The following ATL2 variants were observed in gnomAD, a reference collection of about 807,000 sequenced individuals.
ATL2 encodes the protein atlastin-2.
In ATL2, 31 loss-of-function variants were observed where a neutral mutation model predicts 73.9. The observed-to-expected ratio is 0.42, with a 90% confidence interval of 0.32 to 0.57. The LOEUF is 0.57. Ranked by LOEUF, ATL2 falls within the 20% of genes least tolerant of loss-of-function variation. The probability of loss-of-function intolerance (pLI) is 0.14; values close to 1 mark genes in which losing one functional copy is unlikely to be tolerated. For synonymous variants in ATL2, 291 were observed against 237.5 expected, an observed-to-expected ratio of 1.23 and a Z score of -2.07; for missense variants, 738 against 702.6, an observed-to-expected ratio of 1.05 and a Z score of -0.57.
Position 38,309,360 on chromosome 2 carries a change from TG to T in ATL2, c.1071+18del. ...ACTACATTTCTATCTTAGACAAAACTGTTTAAGAGCTCACCTACCTTAAAAT... is the reference window on the plus strand; with the variant it reads ...ACTACATTTCTATCTTAGACAAAACTTTTAAGAGCTCACCTACCTTAAAAT... On this transcript the variant is annotated intron_variant, in intron 9 of 12. Coordinates refer to ENST00000378954, the MANE Select transcript of ATL2 (RefSeq NM_001135673.4). The T allele has an allele frequency of 1.3e-6, 2 of 1,586,908 alleles. No individual in the cohort carries two copies. The highest frequency in any genetic ancestry group is 1.7e-6 in the Non-Finnish European group (2 of 1,173,490).
chr2:38,340,168 TGGTGGGGGG>T lies in ATL2; in HGVS notation c.363+3091_363+3099del, dbSNP rs1669623343. 5.8e-4 allele frequency among the ~76,000 whole-genome samples: 2 copies of T among 3,426 alleles called. 1 individual carries two copies. Among genetic ancestry groups the T allele is most frequent in the African/African-American group, 1.3e-3 (2 of 1,568 alleles). The allele number at this position is 3,426 out of a possible 152,430, so 2.2% of individuals were successfully genotyped here. A position where few individuals can be genotyped will look rare whatever the true frequency, so the allele number is the denominator to read the frequency against. ...AAAAGTTCAGAACAGCAGTTAGTTT[TGGTGGGGGG>T]GGGGGGGGGGTAGACATTAACTGAG... On this transcript the variant is annotated intron_variant, in intron 2 of 12. Transcript: ENST00000378954.
rs1171363177 is a variant in ATL2, at chr2:38,294,234, C to A, written c.*1760G>T. The stretch of plus-strand genomic sequence containing the variant: ...GAGTTTTCACACATGCAACTCAACA[C>A]CTGCATTCTCTTCGCTTAAAAAGCA... On this transcript the variant is annotated 3_prime_UTR_variant, in exon 13 of 13. Transcript: ENST00000378954. Among the ~76,000 whole-genome samples the A allele has an allele frequency of 6.6e-6, 1 of 152,188 alleles. No homozygotes were observed. The highest frequency in any genetic ancestry group is 2.4e-5 in the African/African-American group (1 of 41,444).
chr2:38,305,329 C>G (rs1216552507), intron 9 of ATL2, among the ~76,000 whole-genome samples: 3 of 152,170 alleles, frequency 2.0e-5, no homozygotes, highest in Non-Finnish European at 4.4e-5. Flanking sequence ...AGGTGGACCA[C>G]TTGACGTCAG....
rs1268963 is a variant in ATL2, at chr2:38,337,464, C to T, written c.363+5804G>A. 3.1e-4 allele frequency among the ~76,000 whole-genome samples: 29 copies of T among 92,144 alleles called. 1 individual carries two copies. The highest frequency in any genetic ancestry group is 1.5e-3 in the Admixed American group (9 of 5,912). 60.5% of individuals were successfully genotyped at this position (92,144 alleles called of 152,430 possible). On this transcript the variant is annotated intron_variant, in intron 2 of 12. Transcript: ENST00000378954. Reference sequence around the variant, plus strand: ...TCACATCACTGCACTCCAACCTTGGCGACAGAACAAGACTCTGTCTCCAAA... The same window carrying T: ...TCACATCACTGCACTCCAACCTTGGTGACAGAACAAGACTCTGTCTCCAAA...
intron 2 of ATL2, among the ~76,000 whole-genome samples, chr2:38,335,245 G>T (rs553952499): frequency 3.9e-5 from 6 of 151,912 alleles, no homozygotes; most frequent in South Asian, 4.2e-4. Flanking sequence ...CTACTCCTGG[G>T]TATAAACCCA....
intron 2 of ATL2, among the ~76,000 whole-genome samples, chr2:38,323,398 G>C (rs1192083790): frequency 1.1e-5 from 1 of 94,714 alleles, no homozygotes; most frequent in Non-Finnish European, 1.9e-5. Flanking sequence ...CACTTGCTAT[G>C]TTGCCCAGGC....
At chr2:38,369,481 T>C (rs899760484) in intron 1 of ATL2, among the ~76,000 whole-genome samples, 1 of 151,004 alleles carries the variant, frequency 6.6e-6, no homozygotes, top group Admixed American at 6.6e-5. Context: ...AGAGACGGGG[T>C]TTCACTATGT....
At position 38,300,141 on chromosome 2, in the gene ATL2, G is replaced by C. The variant is rs1458855179; in HGVS notation, c.1128+131C>G. ...AAACCTTAGGACCCACGACACATAC[G>C]GCCTTAAGCAAAATGTGTTTGCATG... On this transcript the variant is annotated intron_variant, in intron 10 of 12. Coordinates refer to ENST00000378954, the MANE Select transcript of ATL2 (RefSeq NM_001135673.4). The C allele has an allele frequency of 3.0e-5, 21 of 708,884 alleles. No homozygotes were observed. Among genetic ancestry groups the C allele is most frequent in the Admixed American group, 5.0e-5 (2 of 40,338 alleles). 43.9% of individuals were successfully genotyped at this position (708,884 alleles called of 1,614,324 possible). A position where few individuals can be genotyped will look rare whatever the true frequency, so the allele number is the denominator to read the frequency against.
intron 2 of ATL2, among the ~76,000 whole-genome samples, chr2:38,340,185 G>C (rs867242986): frequency 1.3e-5 from 1 of 75,032 alleles, no homozygotes; most frequent in Non-Finnish European, 2.7e-5. Flanking sequence ...GGGGGGGGGG[G>C]GGTAGACATT....
intron 9 of ATL2, 131 bp downstream of exon 9, chr2:38,309,248 G>A: frequency 1.1e-6 from 1 of 878,374 alleles, no homozygotes; most frequent in East Asian, 2.8e-5. Flanking sequence ...CTAATTCAAG[G>A]CAGAAAGATA....
chr2:38,315,422 T>G (rs773872557), intron 4 of ATL2, 88 bp from the exon 5 acceptor site: 6 of 1,346,332 alleles, frequency 4.5e-6, no homozygotes, highest in Non-Finnish European at 6.0e-6. Flanking sequence ...GAAAAAAGGT[T>G]ATTTTGTATC....
rs964555955 is a variant in ATL2, at chr2:38,354,687, C to G, written c.119-11175G>C. 2.0e-5 allele frequency among the ~76,000 whole-genome samples: 3 copies of G among 151,996 alleles called. No individual in the cohort carries two copies. The East Asian group carries it at 5.8e-4, about 29-fold the overall frequency. On this transcript the variant is annotated intron_variant, in intron 1 of 12. Coordinates refer to ENST00000378954, the MANE Select transcript of ATL2 (RefSeq NM_001135673.4). The stretch of plus-strand genomic sequence containing the variant: ...GGAGAATCACCTGAGGTTGAGAGTT[C>G]GAGACCAGCCTGACCAACATGGAGA...
intron 2 of ATL2, among the ~76,000 whole-genome samples, chr2:38,342,713 G>C (rs1669794382): frequency 6.6e-6 from 1 of 152,152 alleles, no homozygotes; most frequent in Non-Finnish European, 1.5e-5. Flanking sequence ...AACAAAAAGG[G>C]AAAGAAGATA....
intron 1 of ATL2, among the ~76,000 whole-genome samples, chr2:38,354,642 C>T (rs1190354912): frequency 6.6e-6 from 1 of 152,006 alleles, no homozygotes; most frequent in Non-Finnish European, 1.5e-5. Flanking sequence ...GTAATCCCAG[C>T]ACTTTGGAAG....
chr2:38,358,944 A>T (rs142089207), intron 1 of ATL2, among the ~76,000 whole-genome samples: 215 of 152,328 alleles, frequency 1.4e-3, no homozygotes, highest in African/African-American at 4.6e-3. Flanking sequence ...AGTCAAACAG[A>T]TACTACAAGA....
chr2:38,339,162 G>C (rs142741300), intron 2 of ATL2, among the ~76,000 whole-genome samples: 1 of 152,266 alleles, frequency 6.6e-6, no homozygotes, highest in East Asian at 1.9e-4. Flanking sequence ...GTTGCAGTGA[G>C]CCGAGACTGC....
intron 2 of ATL2, among the ~76,000 whole-genome samples, chr2:38,319,254 A>G (rs1014479181): frequency 2.6e-5 from 4 of 151,690 alleles, no homozygotes; most frequent in African/African-American, 7.3e-5. Flanking sequence ...TCACACTACT[A>G]CTCTCTAGGC....
At chr2:38,318,814 GTTTTGAT>G (rs1668167892) in intron 3 of ATL2, 64 bp downstream of exon 3, 3 of 1,521,424 alleles carry the variant, frequency 2.0e-6, no homozygotes. Context: ...GTTCTGTGTT[GTTTTGAT>G]TTTTAATACT....
chr2:38,346,584 A>C (rs1375786042), intron 1 of ATL2, among the ~76,000 whole-genome samples: 1 of 152,214 alleles, frequency 6.6e-6, no homozygotes, highest in African/African-American at 2.4e-5. Flanking sequence ...AAACTGTTCC[A>C]TCTCAGATCA....
Sources: gnomAD v4.1 joint callset for allele counts (sites outside exome capture counted in the v4.1 genomes callset) on GRCh38, gnomAD v4.1.1 for gene constraint, MANE v1.5 for transcripts, NCBI Gene and HGNC (gene_info 2026-07-23, HGNC 2026-07-21) for gene names.